Variants in LEO1 observed in about 807,000 individuals in gnomAD.
LEO1 encodes the protein LEO1 component of Paf1/RNA polymerase II complex.
In LEO1, 34 loss-of-function variants were observed where a neutral mutation model predicts 80.4. The observed-to-expected ratio is 0.42, with a 90% CI of 0.32 to 0.56. The LOEUF (loss-of-function observed/expected upper bound fraction) is 0.56, where lower values mean the gene tolerates loss of function less well. Among genes scored for constraint, LEO1 ranks in the 20% least tolerant of loss-of-function variants. LEO1 has a pLI of 0.10. For synonymous variants in LEO1, 262 were observed against 274.9 expected, an observed-to-expected ratio of 0.95 and a Z score of 0.46; for missense variants, 631 against 814.2, an observed-to-expected ratio of 0.77 and a Z score of 2.74.
intron 1 of LEO1, among the ~76,000 whole-genome samples, chr15:51,969,524 A>T (rs1052148445): frequency 6.6e-6 from 1 of 151,554 alleles, no homozygotes; most frequent in Non-Finnish European, 1.5e-5. Flanking sequence ...AATCCCAGCT[A>T]TTCGGGAGGA....
chr15:51,943,749 C>T (rs1397932506), intron 11 of LEO1, among the ~76,000 whole-genome samples: 1 of 112,886 alleles, frequency 8.9e-6, no homozygotes. Context: ...ATTAGCAAGA[C>T]AGAATATCAC....
intron 9 of LEO1, among the ~76,000 whole-genome samples, chr15:51,951,490 T>C (rs754480249): frequency 1.2e-4 from 19 of 152,186 alleles, no homozygotes; most frequent in Admixed American, 5.9e-4. Flanking sequence ...CTATTCTCTA[T>C]TTTACACTAC....
intron 1 of LEO1, among the ~76,000 whole-genome samples, chr15:51,970,881 C>T (rs912306226): frequency 5.9e-5 from 9 of 152,148 alleles, no homozygotes; most frequent in African/African-American, 2.2e-4. Context: ...TACTTGGAGG[C>T]TGAGGCAGAA....
chr15:51,942,647 T>C (rs2593200), intron 11 of LEO1, among the ~76,000 whole-genome samples: 66,659 of 151,612 alleles, frequency 0.44, 14,854 homozygotes, highest in Admixed American at 0.52. Flanking sequence ...TTTGGCCAGG[T>C]GCGGTGGCTC....
chr15:51,964,918 A>G (rs1372212988), intron 2 of LEO1, among the ~76,000 whole-genome samples: 1 of 152,212 alleles, frequency 6.6e-6, no homozygotes, highest in Non-Finnish European at 1.5e-5. Context: ...AATGGCAATG[A>G]TAAAAGCAGG....
At chr15:51,956,937 C>T (rs867446463) in intron 6 of LEO1, among the ~76,000 whole-genome samples, 10 of 152,232 alleles carry the variant, frequency 6.6e-5, no homozygotes, top group South Asian at 2.1e-4. Context: ...GCAATCCTCC[C>T]GCCTCAGCCT....
intron 11 of LEO1, among the ~76,000 whole-genome samples, chr15:51,940,254 CAAAAAAAA>C (rs745641318): frequency 5.0e-4 from 19 of 37,928 alleles, no homozygotes; most frequent in African/African-American, 1.8e-3. Context: ...GACTCCGTAT[CAAAAAAAA>C]AAAAAAAAAA....
chr15:51,965,616 G>T, intron 2 of LEO1, 133 bp downstream of exon 2: 1 of 1,208,736 alleles, frequency 8.3e-7, no homozygotes, highest in Non-Finnish European at 1.1e-6. Flanking sequence ...GTATTCTAGA[G>T]TTAGAAAAGT....
chr15:51,947,980 C>T (rs755983763), intron 10 of LEO1, among the ~76,000 whole-genome samples: 1 of 152,176 alleles, frequency 6.6e-6, no homozygotes. Flanking sequence ...CCTACTCTTA[C>T]GAAGTCAACT....
chr15:51,945,740 G>A (rs1255064363), intron 11 of LEO1, among the ~76,000 whole-genome samples: 1 of 152,126 alleles, frequency 6.6e-6, no homozygotes, highest in Admixed American at 6.5e-5. Context: ...TCACTGGAGT[G>A]TTAAGAAAAA....
chr15:51,942,152 T>G (rs796899473), intron 11 of LEO1, among the ~76,000 whole-genome samples: 1 of 152,190 alleles, frequency 6.6e-6, no homozygotes, highest in Non-Finnish European at 1.5e-5. Context: ...CATTCCTTAT[T>G]CCATTGTAAC....
At chr15:51,951,487 C>G (rs904029135) in intron 9 of LEO1, among the ~76,000 whole-genome samples, 1 of 152,228 alleles carries the variant, frequency 6.6e-6, no homozygotes, top group African/African-American at 2.4e-5. Context: ...GGTCTATTCT[C>G]TATTTTACAC....
In LEO1 at chr15:51,962,392, T is replaced by G; in HGVS notation, c.916A>C (p.Lys306Gln). Residue 306 changes from lysine (K) to glutamine (Q), a missense_variant, in exon 3 of 12, where the codon AAA becomes CAA. Physicochemically the swap from Lys to Gln is moderately conservative, Grantham distance 53. Transcript: ENST00000299601. ...SEADSDTEVP[K>Q]DNSGTMDLFG... ...ATATATATAATAATAGGGATACCTT[T>G]TGGCACCTCAGTGTCACTATCCGCT... 6.3e-7 allele frequency: 1 copy of G among 1,599,318 alleles called. No homozygotes were observed. The highest frequency in any genetic ancestry group is 1.3e-5 in the African/African-American group (1 of 74,746).
At chr15:51,939,924 T>C (rs1434856851) in intron 11 of LEO1, among the ~76,000 whole-genome samples, 3 of 152,132 alleles carry the variant, frequency 2.0e-5, no homozygotes, top group Non-Finnish European at 4.4e-5. Context: ...TAATCCATCC[T>C]CTGGAGTAAG....
rs1250519646 is a variant in LEO1 at position 51,962,450 on chromosome 15, C to T, written c.858G>A (p.Met286Ile). The change falls in exon 3 of 12, where the codon ATG becomes ATA. Residue 286 changes from methionine to isoleucine, a missense_variant. Physicochemically the swap from Met to Ile is conservative, Grantham distance 10. Transcript: ENST00000299601. ...CAGATGCAATCGCATTCTTGCGTTT[C>T]ATTCGTAAAACTTCATCTTCACTAT... ...GSDSEDEVLR[M>I]KRKNAIASDS... 1 of 1,613,954 alleles carries T rather than the reference C, an allele frequency of 6.2e-7. No homozygotes were observed. The highest frequency in any genetic ancestry group is 8.5e-7 in the Non-Finnish European group (1 of 1,179,924).
Position 51,966,371 on chromosome 15 carries a change from A to G in LEO1, c.192T>C (p.Asp64=), listed in dbSNP as rs369164252. ...GQPSNKELFG[D]DSEDEGASHH... is the part of the protein sequence containing the mutation. ...GTGAAGCTCCCTCGTCCTCACTGTC[A>G]TCTCCAAACAGTTCCTTATTACTTG... is the stretch of plus-strand genomic sequence containing the variant. Residue 64 remains aspartate (D), a synonymous_variant, in exon 2 of 12, where the codon GAT becomes GAC. Coordinates refer to ENST00000299601, the MANE Select transcript of LEO1 (RefSeq NM_138792.4). 3 of 1,614,102 alleles carry G rather than the reference A, an allele frequency of 1.9e-6. No homozygotes were observed. The highest frequency in any genetic ancestry group is 2.5e-6 in the Non-Finnish European group (3 of 1,179,958).
chr15:51,968,519 C>G (rs949031975), intron 1 of LEO1, among the ~76,000 whole-genome samples: 6 of 151,426 alleles, frequency 4.0e-5, no homozygotes, highest in East Asian at 2.0e-4. Context: ...AAAGGGGAGA[C>G]TCTGTCTCCA....
At chr15:51,966,663 C>T (rs2057080548) in intron 1 of LEO1, among the ~76,000 whole-genome samples, 159 bp from the exon 2 acceptor site, 2 of 152,236 alleles carry the variant, frequency 1.3e-5, no homozygotes, top group African/African-American at 4.8e-5. Flanking sequence ...GTAATCCCAG[C>T]ACTTTGGGAA....
chr15:51,971,501 C>A (rs904942129), intron 1 of LEO1, among the ~76,000 whole-genome samples, 187 bp downstream of exon 1: 7 of 152,200 alleles, frequency 4.6e-5, no homozygotes, highest in Non-Finnish European at 1.0e-4. Context: ...AGCCTCGAGG[C>A]GCAGACTGTC....
Sources: allele counts gnomAD v4.1 joint callset (sites outside exome capture counted in the v4.1 genomes callset), GRCh38; gene constraint gnomAD v4.1.1; transcripts MANE v1.5; gene names NCBI Gene and HGNC (gene_info 2026-07-23, HGNC 2026-07-21).